TNPO3: variants seen among roughly 807,000 people sequenced by gnomAD.
The protein encoded by TNPO3 is transportin 3.
Under a neutral mutation model 122.8 loss-of-function variants are expected in TNPO3, and 65 were observed. The ratio of observed to expected loss-of-function variants is 0.53; its 90% confidence interval spans 0.43 to 0.65. The LOEUF is 0.65. Ranked by LOEUF, TNPO3 falls within the 30% of genes least tolerant of loss-of-function variation. The pLI, the probability that TNPO3 is intolerant of heterozygous loss-of-function variation, is 0.00. For synonymous variants in TNPO3, 372 were observed against 411.2 expected (o/e 0.90, Z 1.15); for missense variants, 850 against 1,136.7 (o/e 0.75, Z 3.63).
chr7:128,970,091 C>A, intron 20 of TNPO3, 57 bp downstream of exon 20: 1 of 1,608,262 alleles, frequency 6.2e-7, no homozygotes, highest in Non-Finnish European at 8.5e-7. Context: ...CCTTAAGGAA[C>A]CAAAGCCTAT....
rs1368042582 is a variant in TNPO3, at chr7:129,041,816, A to G, written c.120+12835T>C. ...GCCTTTATATCAGTCTTTTCAAAAG[A>G]TATTTCCATGACTATGTGATGAATA... is the stretch of plus-strand genomic sequence containing the variant. On this transcript the variant is annotated intron_variant, in intron 1 of 22. Coordinates refer to ENST00000265388, the MANE Select transcript of TNPO3 (RefSeq NM_012470.4). 1.1e-5 allele frequency: 9 copies of G among 853,878 alleles called. No individual in the cohort carries two copies. The South Asian group carries it at 4.8e-4, about 46-fold the overall frequency. The allele number at this position is 853,878 out of a possible 1,614,324, so 52.9% of individuals were successfully genotyped here.
Position 128,957,329 on chromosome 7 carries a change from G to A in TNPO3, c.2712-14C>T. 6.2e-7 allele frequency: 1 copy of A among 1,614,032 alleles called. No homozygotes were observed. Among genetic ancestry groups the A allele is most frequent in the Non-Finnish European group, 8.5e-7 (1 of 1,179,964 alleles). ...CATTCCTCAGCACTAGAAAAGAAAA[G>A]GTAGGTTGGTCCTTGACTGAGGAGA... On this transcript the variant is annotated splice_polypyrimidine_tract_variant and intron_variant, in intron 21 of 22. Coordinates refer to ENST00000265388, the MANE Select transcript of TNPO3 (RefSeq NM_012470.4).
At chr7:128,974,694 T>A (rs550683164) in intron 18 of TNPO3, among the ~76,000 whole-genome samples, 174 bp downstream of exon 18, 47 of 152,334 alleles carry the variant, frequency 3.1e-4, no homozygotes, top group African/African-American at 9.1e-4. Context: ...CCCGCAATAC[T>A]CTGCGTCACT....
At chr7:129,007,011 T>C (rs1011994669) in intron 4 of TNPO3, among the ~76,000 whole-genome samples, 2 of 152,212 alleles carry the variant, frequency 1.3e-5, no homozygotes, top group African/African-American at 4.8e-5. Flanking sequence ...CTTCTCTCTC[T>C]TCCAGGCCAT....
chr7:129,049,938 G>C (rs1399117390), intron 1 of TNPO3, among the ~76,000 whole-genome samples: 1 of 152,196 alleles, frequency 6.6e-6, no homozygotes, highest in Non-Finnish European at 1.5e-5. Context: ...AAATAAAGGA[G>C]TGGAGCTGGA....
chr7:129,009,326 GACAGA>G (rs1802927262), intron 4 of TNPO3, among the ~76,000 whole-genome samples: 1 of 152,158 alleles, frequency 6.6e-6, no homozygotes, highest in African/African-American at 2.4e-5. Flanking sequence ...CAAGAAATAG[GACAGA>G]ATGTAATCAT....
rs915020019 is a variant in TNPO3, at chr7:129,017,185, T to G, written c.322-129A>C. 4.0e-5 allele frequency: 33 copies of G among 826,564 alleles called. No individual in the cohort carries two copies. In the African/African-American group the frequency reaches 4.9e-4, roughly 12 times the overall value. 51.2% of individuals were successfully genotyped at this position (826,564 alleles called of 1,614,324 possible). On this transcript the variant is annotated intron_variant, in intron 2 of 22. Transcript: ENST00000265388. ...ACTAAGACTAACCCCCTTCCCCCAT[T>G]TCTCCCAACCTCCAATTCTATACAT...
At chr7:128,979,263 G>A in intron 15 of TNPO3, 140 bp from the exon 16 acceptor site, 5 of 1,000,018 alleles carry the variant, frequency 5.0e-6, no homozygotes, top group Non-Finnish European at 7.2e-6. Context: ...TGGCCAGCAT[G>A]CTCAGGTTCA....
chr7:129,010,368 A>G, intron 4 of TNPO3, among the ~76,000 whole-genome samples: 1 of 151,880 alleles, frequency 6.6e-6, no homozygotes, highest in Non-Finnish European at 1.5e-5. Context: ...GGCTCTTGCT[A>G]TGTTGCCCAG....
chr7:128,957,197 C>A (rs1796986064), intron 22 of TNPO3, 27 bp downstream of exon 22: 2 of 1,602,026 alleles, frequency 1.2e-6, no homozygotes, highest in Non-Finnish European at 1.7e-6. Flanking sequence ...ACAGTCCGGA[C>A]AAAAGCTGGG....
chr7:129,021,715 G>A (rs1804541047), intron 1 of TNPO3, among the ~76,000 whole-genome samples: 1 of 151,942 alleles, frequency 6.6e-6, no homozygotes, highest in African/African-American at 2.4e-5. Context: ...AGAAAAACAG[G>A]TTTAAAAACC....
rs373488448 is a variant in TNPO3 at position 129,041,779 on chromosome 7, G to A, written c.120+12872C>T. The A allele has an allele frequency of 1.4e-5, 14 of 976,250 alleles. No individual in the cohort carries two copies. In the East Asian group the frequency reaches 8.0e-4, roughly 56 times the overall value. 60.5% of individuals were successfully genotyped at this position (976,250 alleles called of 1,614,324 possible). A position where few individuals can be genotyped will look rare whatever the true frequency, so the allele number is the denominator to read the frequency against. On this transcript the variant is annotated intron_variant, in intron 1 of 22. Transcript: ENST00000265388. ...TTCCAATCTTCCATTTCACAAAGCAGTAGCAGAACAGGCCTTTATATCAGT... is the reference window on the plus strand; with the variant it reads ...TTCCAATCTTCCATTTCACAAAGCAATAGCAGAACAGGCCTTTATATCAGT...
chr7:128,986,503 A>G lies in TNPO3; in HGVS notation c.1690+226T>C, dbSNP rs2290231. ...CCAAATCTAGGTCGGTGCTATATATACCGCAAGTAGTATTAATTAATTATA... is the reference window on the plus strand; with the variant it reads ...CCAAATCTAGGTCGGTGCTATATATGCCGCAAGTAGTATTAATTAATTATA... On this transcript the variant is annotated intron_variant, in intron 12 of 22. Transcript: ENST00000265388. Among the ~76,000 whole-genome samples, 6,770 of 152,296 alleles carry G rather than the reference A, an allele frequency of 0.044. 206 individuals carry two copies. Among genetic ancestry groups the G allele is most frequent in the Middle Eastern group, 0.1 (30 of 294 alleles).
chr7:129,053,240 A>G (rs1809003114), intron 1 of TNPO3, among the ~76,000 whole-genome samples: 1 of 151,734 alleles, frequency 6.6e-6, no homozygotes, highest in South Asian at 2.1e-4. Context: ...CAGGAGAATC[A>G]CTTGAACCTG....
chr7:129,024,730 A>C (rs1334977274), intron 1 of TNPO3, among the ~76,000 whole-genome samples: 1 of 152,222 alleles, frequency 6.6e-6, no homozygotes, highest in South Asian at 2.1e-4. Context: ...CAACAGATAA[A>C]TAACCTACAG....
At chr7:129,027,663 C>T (rs780399524) in intron 1 of TNPO3, among the ~76,000 whole-genome samples, 38 of 148,768 alleles carry the variant, frequency 2.6e-4, no homozygotes, top group Non-Finnish European at 4.7e-4. Flanking sequence ...AATATGAGGC[C>T]ACAGTTCCCA....
rs1409776790 is a variant in TNPO3, at chr7:128,954,250, A to C, written c.*1167T>G. On this transcript the variant is annotated 3_prime_UTR_variant, in exon 23 of 23. Coordinates refer to ENST00000265388, the MANE Select transcript of TNPO3 (RefSeq NM_012470.4). ...GATTTGTTCTTGAGATGGCTACAACACCAGACAGAACAGTGCCCTCATATC... is the reference window on the plus strand; with the variant it reads ...GATTTGTTCTTGAGATGGCTACAACCCCAGACAGAACAGTGCCCTCATATC... 6.6e-6 allele frequency: 1 copy of C among 152,208 alleles called. No homozygotes were observed. Among genetic ancestry groups the C allele is most frequent in the Non-Finnish European group, 1.5e-5 (1 of 68,038 alleles). 9.4% of individuals were successfully genotyped at this position (152,208 alleles called of 1,614,324 possible).
chr7:128,997,376 G>A lies in TNPO3; in HGVS notation c.1158+13C>T, dbSNP rs534690194. ...AGAAATTAAGATTTGAAGAGGTAGAGAAGGGAACTTACATGGTCTGGTTCC... is the reference window on the plus strand; with the variant it reads ...AGAAATTAAGATTTGAAGAGGTAGAAAAGGGAACTTACATGGTCTGGTTCC... On this transcript the variant is annotated intron_variant, in intron 8 of 22. Transcript: ENST00000265388. The A allele has an allele frequency of 1.2e-6, 2 of 1,613,484 alleles. No homozygotes were observed. Among genetic ancestry groups the A allele is most frequent in the African/African-American group, 1.3e-5 (1 of 75,000 alleles).
chr7:129,043,240 G>GA lies in TNPO3; in HGVS notation c.120+11410dup, dbSNP rs888778266. Among the ~76,000 whole-genome samples, 256 of 135,858 alleles carry GA rather than the reference G, an allele frequency of 1.9e-3. 3 individuals are homozygous for GA. Among genetic ancestry groups the GA allele is most frequent in the African/African-American group, 4.8e-3 (179 of 37,014 alleles). The allele number at this position is 135,858 out of a possible 152,430, so 89.1% of individuals were successfully genotyped here. A position where few individuals can be genotyped will look rare whatever the true frequency, so the allele number is the denominator to read the frequency against. Reference sequence around the variant, plus strand: ...ACATAGCAAGACCCAGTCTTTACAGGAAAAAAAAAAAAATTAGCAGGATGT... The same window carrying GA: ...ACATAGCAAGACCCAGTCTTTACAGGAAAAAAAAAAAAAATTAGCAGGATGT... On this transcript the variant is annotated intron_variant, in intron 1 of 22. Coordinates refer to ENST00000265388, the MANE Select transcript of TNPO3 (RefSeq NM_012470.4).
Sources: gnomAD v4.1 joint callset for allele counts (sites outside exome capture counted in the v4.1 genomes callset) on GRCh38, gnomAD v4.1.1 for gene constraint, MANE v1.5 for transcripts, NCBI Gene and HGNC (gene_info 2026-07-23, HGNC 2026-07-21) for gene names.